Variants in BTAF1 observed in about 807,000 individuals in gnomAD.
BTAF1 encodes B-TFIID TATA-box binding protein associated factor 1.
In BTAF1, 38 loss-of-function variants were observed where a neutral mutation model predicts 227.1. The ratio of observed to expected loss-of-function variants is 0.17; its 90% CI spans 0.13 to 0.22. BTAF1 has a LOEUF of 0.22. Among genes scored for constraint, BTAF1 ranks in the 10% least tolerant of loss-of-function variants. The probability of loss-of-function intolerance (pLI) is 1.00; values close to 1 mark genes in which losing one functional copy is unlikely to be tolerated. For missense variants in BTAF1, 1,598 were observed against 2,204.0 expected, an observed-to-expected ratio of 0.73 and a Z score of 5.51; for synonymous variants, 742 against 751.9, an observed-to-expected ratio of 0.99 and a Z score of 0.21.
Position 91,989,554 on chromosome 10 carries a change from C to T in BTAF1, c.2828C>T (p.Thr943Ile). 6.2e-7 allele frequency: 1 copy of T among 1,602,712 alleles called. No homozygotes were observed. The highest frequency in any genetic ancestry group is 8.5e-7 in the Non-Finnish European group (1 of 1,176,858). Reference sequence around the variant, plus strand: ...CCTTGTGTCACATGTCCAGTACCAACACAAAGTGGCCAGGAAAATTCTAAA... The same window carrying T: ...CCTTGTGTCACATGTCCAGTACCAATACAAAGTGGCCAGGAAAATTCTAAA... ...LTPCVTCPVP[T>I]QSGQENSKGS... is the part of the protein sequence containing the mutation. The change falls in exon 20 of 38, where the codon ACA (threonine) becomes ATA (isoleucine). Residue 943 changes from threonine (T) to isoleucine (I), a missense_variant. By Grantham distance (89) the Thr-to-Ile change is moderately conservative. Around this residue, in one of 10 missense-constraint regions of BTAF1, gnomAD observed 425 missense variants for 491.2 expected, o/e 0.87. Transcript: ENST00000265990.
chr10:92,024,734 T>TTTTTTGTTTG (rs201411590), intron 34 of BTAF1, 22 bp from the exon 35 acceptor site: 33 of 1,529,422 alleles, frequency 2.2e-5, no homozygotes, highest in Admixed American at 6.0e-5. Flanking sequence ...CTTATGTAGT[T>TTTTTTGTTTG]TTTTTTTTTT....
chr10:92,003,155 C>CA (rs35416792), intron 25 of BTAF1, among the ~76,000 whole-genome samples: 136,293 of 141,428 alleles, frequency 0.96, 65,685 homozygotes, highest in Non-Finnish European at 0.99. Context: ...GACTCCGTCT[C>CA]AAAAAAAAAA....
intron 6 of BTAF1, among the ~76,000 whole-genome samples, chr10:91,954,386 A>G (rs139238576): frequency 4.4e-4 from 67 of 152,276 alleles, no homozygotes; most frequent in Non-Finnish European, 7.8e-4. Context: ...TAGTTTATGT[A>G]GTCCTGTTGA....
At chr10:91,963,857 A>T (rs1589823517) in intron 12 of BTAF1, among the ~76,000 whole-genome samples, 1 of 152,056 alleles carries the variant, frequency 6.6e-6, no homozygotes, top group Non-Finnish European at 1.5e-5. Flanking sequence ...TCAGGCAGGG[A>T]AGTATCAAAG....
intron 24 of BTAF1, chr10:91,997,321 A>G (rs576695357): frequency 9.3e-5 from 48 of 518,752 alleles, no homozygotes; most frequent in Non-Finnish European, 1.2e-4. Context: ...CAATTTCTCT[A>G]TGAAAAAAAT....
In BTAF1 at chr10:91,989,277, G is replaced by C. The variant is rs1202366628; in HGVS notation, c.2551G>C (p.Val851Leu). ...TACAGAGACCAACCAGGAGTGGCAAGTGTTGCAGTTGAGAGTGCATACTTT... is the reference window on the plus strand; with the variant it reads ...TACAGAGACCAACCAGGAGTGGCAACTGTTGCAGTTGAGAGTGCATACTTT... ...TVTETNQEWQ[V>L]LQLRVHTFAA... is the part of the protein sequence containing the mutation. Residue 851 changes from valine (V) to leucine (L), a missense_variant, in exon 20 of 38, where the codon GTG becomes CTG. Transcript: ENST00000265990. 1.2e-6 allele frequency: 2 copies of C among 1,614,226 alleles called. No homozygotes were observed. The highest frequency in any genetic ancestry group is 2.2e-5 in the South Asian group (2 of 91,084).
intron 25 of BTAF1, among the ~76,000 whole-genome samples, chr10:92,001,098 G>T (rs1589930746): frequency 6.6e-6 from 1 of 152,328 alleles, no homozygotes; most frequent in Non-Finnish European, 1.5e-5. Context: ...GGCAGCACTG[G>T]ATAGTGAACC....
rs7074133 is a variant in BTAF1 at position 92,016,291 on chromosome 10, A to G, written c.4585-49A>G. 2.6e-3 allele frequency: 4,092 copies of G among 1,555,420 alleles called. 80 individuals are homozygous for G. In the African/African-American group the frequency reaches 0.045, roughly 17 times the overall value. ...CTTTGCTGGTTATGTGTTTTGAACA[A>G]TTGAAAATAAATATACTTAAAGCTT... On this transcript the variant is annotated intron_variant, in intron 32 of 37. Coordinates refer to ENST00000265990, the MANE Select transcript of BTAF1 (RefSeq NM_003972.3).
rs190801559 is a variant in BTAF1 at position 91,991,291 on chromosome 10, T to A, written c.2855-828T>A. On this transcript the variant is annotated intron_variant, in intron 20 of 37. Transcript: ENST00000265990. ...ATATAAATATATATATATATATATA[T>A]AAATTATCCGGACGTGGTGGCGTGC... Among the ~76,000 whole-genome samples the A allele has an allele frequency of 2.9e-4, 38 of 133,012 alleles. 1 individual carries two copies. The highest frequency in any genetic ancestry group is 2.3e-3 in the South Asian group (9 of 3,838). 87.3% of individuals were successfully genotyped at this position (133,012 alleles called of 152,430 possible). A position where few individuals can be genotyped will look rare whatever the true frequency, so the allele number is the denominator to read the frequency against.
chr10:91,984,628 A>G (rs1848277225), intron 19 of BTAF1, among the ~76,000 whole-genome samples: 1 of 152,178 alleles, frequency 6.6e-6, no homozygotes, highest in South Asian at 2.1e-4. Context: ...TGATAAATCA[A>G]TGCACCTTTA....
intron 12 of BTAF1, among the ~76,000 whole-genome samples, chr10:91,963,845 G>C (rs1846699326): frequency 6.6e-6 from 1 of 152,068 alleles, no homozygotes; most frequent in Non-Finnish European, 1.5e-5. Flanking sequence ...TTATGAGTCT[G>C]GTCAGGCAGG....
chr10:91,995,499 A>AC (rs1375419227), intron 23 of BTAF1, among the ~76,000 whole-genome samples: 6 of 150,752 alleles, frequency 4.0e-5, no homozygotes, highest in African/African-American at 1.5e-4. Context: ...ATATGGTGAA[A>AC]CCCCCATCTC....
chr10:91,951,310 T>C, intron 4 of BTAF1, 93 bp from the exon 5 acceptor site: 1 of 1,303,460 alleles, frequency 7.7e-7, no homozygotes, highest in Non-Finnish European at 1.0e-6. Flanking sequence ...AGGGATGCTT[T>C]GTGTATTTTT....
chr10:91,952,259 C>T (rs999635142), intron 5 of BTAF1, among the ~76,000 whole-genome samples: 4 of 151,928 alleles, frequency 2.6e-5, no homozygotes, highest in Non-Finnish European at 4.4e-5. Flanking sequence ...TCAGATTGAC[C>T]GCATTCTTTT....
intron 4 of BTAF1, among the ~76,000 whole-genome samples, chr10:91,943,648 A>G (rs1000461450): frequency 1.3e-5 from 2 of 152,176 alleles, no homozygotes; most frequent in Non-Finnish European, 2.9e-5. Context: ...AATTAAGAGG[A>G]TAATTTGCTT....
chr10:92,025,881 G>A (rs183000767), intron 35 of BTAF1, among the ~76,000 whole-genome samples: 2 of 151,948 alleles, frequency 1.3e-5, no homozygotes, highest in South Asian at 2.1e-4. Context: ...GAGACCCGGG[G>A]AGGGACTTTG....
chr10:91,986,743 CTTCT>C (rs888612592), intron 19 of BTAF1, among the ~76,000 whole-genome samples: 2 of 152,132 alleles, frequency 1.3e-5, no homozygotes, highest in Non-Finnish European at 1.5e-5. Context: ...CAAATGGCCC[CTTCT>C]TTAAGATTTG....
rs1371602582 is a variant in BTAF1, at chr10:91,989,536, T to C, written c.2810T>C (p.Val937Ala). The C allele has an allele frequency of 3.1e-6, 5 of 1,613,054 alleles. No individual in the cohort carries two copies. In the African/African-American group the frequency reaches 6.7e-5, roughly 22 times the overall value. Reference sequence around the variant, plus strand: ...GTGGACCCATATCTAACTCCTTGTGTCACATGTCCAGTACCAACACAAAGT... The same window carrying C: ...GTGGACCCATATCTAACTCCTTGTGCCACATGTCCAGTACCAACACAAAGT... Reference protein sequence around the residue: ...LCVDPYLTPCVTCPVPTQSGQ... With the variant: ...LCVDPYLTPCATCPVPTQSGQ... Residue 937 changes from valine (V) to alanine (A), a missense_variant, in exon 20 of 38, where the codon GTC (valine) becomes GCC (alanine). By Grantham distance (64) the Val-to-Ala change is moderately conservative. Around this residue, in one of 10 missense-constraint regions of BTAF1, gnomAD observed 425 missense variants for 491.2 expected, o/e 0.87. Coordinates refer to ENST00000265990, the MANE Select transcript of BTAF1 (RefSeq NM_003972.3).
chr10:92,003,177 G>A (rs866602318), intron 25 of BTAF1, among the ~76,000 whole-genome samples: 3 of 151,684 alleles, frequency 2.0e-5, no homozygotes, highest in Non-Finnish European at 4.4e-5. Context: ...AAAAGTTACG[G>A]CGTCCAACAT....
Sources: gnomAD v4.1 joint callset for allele counts (sites outside exome capture counted in the v4.1 genomes callset) on GRCh38, gnomAD v4.1.1 for gene constraint, gnomAD v4.1.1 regional missense constraint, MANE v1.5 for transcripts, NCBI Gene and HGNC (gene_info 2026-07-23, HGNC 2026-07-21) for gene names.